The following FOCAD variants were observed in gnomAD, a reference collection of about 807,000 sequenced individuals.
FOCAD encodes focadhesin.
In FOCAD, 198 loss-of-function variants were observed where a neutral mutation model predicts 225.6. The observed-to-expected ratio is 0.88, with a 90% confidence interval of 0.78 to 0.99. The LOEUF (loss-of-function observed/expected upper bound fraction) is 0.99. Among genes scored for constraint, FOCAD ranks in the 50% least tolerant of loss-of-function variants. The pLI is 0.00. For synonymous variants in FOCAD, 897 were observed against 755.0 expected (o/e 1.19, Z -3.08); for missense variants, 2,713 against 2,123.6 (o/e 1.28, Z -5.46).
At chr9:20,721,473 G>A (rs960038751) in intron 4 of FOCAD, among the ~76,000 whole-genome samples, 6 of 152,144 alleles carry the variant, frequency 3.9e-5, no homozygotes, top group African/African-American at 1.2e-4. Flanking sequence ...AGGCTGAGGC[G>A]GGCGGATCAC....
intron 1 of FOCAD, among the ~76,000 whole-genome samples, chr9:20,703,803 ACT>A (rs1381376001): frequency 2.0e-5 from 3 of 152,034 alleles, no homozygotes; most frequent in Non-Finnish European, 2.9e-5. Flanking sequence ...TATGTGCAAG[ACT>A]CTCTTGGCTT....
At chr9:20,773,945 G>A (rs1818493824) in intron 8 of FOCAD, among the ~76,000 whole-genome samples, 1 of 152,178 alleles carries the variant, frequency 6.6e-6, no homozygotes, top group South Asian at 2.1e-4. Context: ...CCACACACAG[G>A]AGGTGAGCAG....
rs114638662 is a variant in FOCAD, at chr9:20,690,090, T to C, written c.-33+5797T>C. Among the ~76,000 whole-genome samples, 450 of 152,318 alleles carry C rather than the reference T, an allele frequency of 3.0e-3. 3 individuals carry two copies. Among genetic ancestry groups the C allele is most frequent in the African/African-American group, 0.01 (429 of 41,578 alleles). On this transcript the variant is annotated intron_variant, in intron 1 of 43. Coordinates refer to ENST00000338382, the MANE Select transcript of FOCAD (RefSeq NM_001375567.1). ...TAGGTCAATTCTGGGCCCAGAGGTA[T>C]AGGAAATGCCTTAATGTGAATGGCA...
chr9:20,858,722 C>T (rs191550103), intron 15 of FOCAD, among the ~76,000 whole-genome samples: 190 of 152,136 alleles, frequency 1.2e-3, no homozygotes, highest in Admixed American at 3.9e-3. Context: ...GATGTAAGCA[C>T]TTTATTGGTA....
At chr9:20,789,896 T>C (rs1820345099) in intron 11 of FOCAD, among the ~76,000 whole-genome samples, 1 of 152,216 alleles carries the variant, frequency 6.6e-6, no homozygotes, top group Non-Finnish European at 1.5e-5. Context: ...TGCTATTTTG[T>C]AATGCTTTTG....
intron 28 of FOCAD, among the ~76,000 whole-genome samples, chr9:20,939,150 C>CAAAAAA (rs565280892): frequency 1.2e-4 from 9 of 72,488 alleles, no homozygotes; most frequent in South Asian, 1.3e-3. Flanking sequence ...ACTCTCTTCT[C>CAAAAAA]AAAAAAAAAA....
intron 28 of FOCAD, among the ~76,000 whole-genome samples, chr9:20,938,453 C>G (rs1836243021): frequency 6.6e-6 from 1 of 152,054 alleles, no homozygotes; most frequent in Non-Finnish European, 1.5e-5. Context: ...AGCTGGAAAC[C>G]ATCATTCTCA....
At chr9:20,810,650 G>T (rs1174648544) in intron 11 of FOCAD, among the ~76,000 whole-genome samples, 1 of 151,892 alleles carries the variant, frequency 6.6e-6, no homozygotes, top group East Asian at 1.9e-4. Context: ...GTTACATATT[G>T]GTAATGTAGC....
At chr9:20,827,777 G>A (rs1356443005) in intron 15 of FOCAD, among the ~76,000 whole-genome samples, 3 of 152,066 alleles carry the variant, frequency 2.0e-5, no homozygotes, top group African/African-American at 7.2e-5. Flanking sequence ...GTACGTTAAA[G>A]GATACAAAAT....
intron 15 of FOCAD, among the ~76,000 whole-genome samples, chr9:20,839,504 G>T (rs772776354): frequency 2.0e-5 from 3 of 151,794 alleles, no homozygotes; most frequent in Non-Finnish European, 4.4e-5. Context: ...CAAGTGTCTT[G>T]CCCGCTTAGG....
chr9:20,877,591 A>C (rs1830332358), intron 19 of FOCAD, among the ~76,000 whole-genome samples: 2 of 152,196 alleles, frequency 1.3e-5, no homozygotes, highest in South Asian at 4.1e-4. Context: ...AATATGTATA[A>C]ATGCTTATCA....
chr9:20,839,765 C>A (rs887037570), intron 15 of FOCAD, among the ~76,000 whole-genome samples: 2 of 151,992 alleles, frequency 1.3e-5, no homozygotes, highest in Non-Finnish European at 2.9e-5. Flanking sequence ...ATGGAGGTAT[C>A]CATCACTTCA....
At chr9:20,861,844 T>G (rs1361499797) in intron 15 of FOCAD, among the ~76,000 whole-genome samples, 1 of 152,090 alleles carries the variant, frequency 6.6e-6, no homozygotes. Flanking sequence ...CATCTATCAG[T>G]GAAAAAATCA....
At chr9:20,943,730 A>G (rs1346026006) in intron 28 of FOCAD, among the ~76,000 whole-genome samples, 1 of 152,212 alleles carries the variant, frequency 6.6e-6, no homozygotes, top group African/African-American at 2.4e-5. Flanking sequence ...TCGGCAGCAG[A>G]TATCATGATG....
chr9:20,950,927 T>G, intron 33 of FOCAD, 69 bp from the exon 34 acceptor site: 7 of 1,367,088 alleles, frequency 5.1e-6, no homozygotes, highest in Non-Finnish European at 7.3e-6. Flanking sequence ...TGACTTTCTG[T>G]GAGTGACCTT....
At chr9:20,818,015 G>T (rs896723792) in intron 11 of FOCAD, among the ~76,000 whole-genome samples, 3 of 152,046 alleles carry the variant, frequency 2.0e-5, no homozygotes, top group Admixed American at 6.6e-5. Flanking sequence ...AGTGTACAAG[G>T]GTTCCAATTT....
chr9:20,790,333 A>G (rs530906228), intron 11 of FOCAD, among the ~76,000 whole-genome samples: 1 of 152,248 alleles, frequency 6.6e-6, no homozygotes, highest in South Asian at 2.1e-4. Context: ...TAGTTTTGAC[A>G]TTTTTGTTAT....
chr9:20,771,840 C>T (rs1215205817), intron 8 of FOCAD, among the ~76,000 whole-genome samples: 1 of 152,160 alleles, frequency 6.6e-6, no homozygotes, highest in Non-Finnish European at 1.5e-5. Flanking sequence ...TGATTCTGTT[C>T]TTGATGAGGA....
chr9:20,937,755 T>A (rs1382197259), intron 28 of FOCAD, among the ~76,000 whole-genome samples: 3 of 151,886 alleles, frequency 2.0e-5, no homozygotes, highest in Admixed American at 6.6e-5. Flanking sequence ...AAAGAGCTTC[T>A]GCACAGCAAA....
Sources: allele counts gnomAD v4.1 joint callset (sites outside exome capture counted in the v4.1 genomes callset), GRCh38; gene constraint gnomAD v4.1.1; transcripts MANE v1.5; gene names NCBI Gene and HGNC (gene_info 2026-07-23, HGNC 2026-07-21).